The following FNIP2 variants were observed in gnomAD, a reference collection of about 807,000 sequenced individuals.
The protein encoded by FNIP2 is folliculin interacting protein 2, also known as folliculin-interacting protein 2.
In FNIP2, 32 loss-of-function variants were observed where a neutral mutation model predicts 108.7. The ratio of observed to expected loss-of-function variants is 0.29; its 90% confidence interval spans 0.22 to 0.40. FNIP2 has a LOEUF of 0.40. Among genes scored for constraint, FNIP2 ranks in the 10% least tolerant of loss-of-function variants. The pLI, the probability that FNIP2 is intolerant of heterozygous loss-of-function variation, is 1.00. For synonymous variants in FNIP2, 480 were observed against 496.7 expected (o/e 0.97, Z 0.45); for missense variants, 1,202 against 1,381.6 (o/e 0.87, Z 2.06).
intron 1 of FNIP2, among the ~76,000 whole-genome samples, chr4:158,817,518 A>T (rs1412028923): frequency 6.6e-6 from 1 of 152,124 alleles, no homozygotes; most frequent in Non-Finnish European, 1.5e-5. Context: ...ACCTTTAGGT[A>T]TAATTTTAGT....
chr4:158,798,425 T>C (rs1393671462), intron 1 of FNIP2, among the ~76,000 whole-genome samples: 1 of 152,184 alleles, frequency 6.6e-6, no homozygotes, highest in Non-Finnish European at 1.5e-5. Context: ...GATAATTAGA[T>C]AAGTTTCCCT....
intron 1 of FNIP2, among the ~76,000 whole-genome samples, chr4:158,801,662 A>G (rs1035172034): frequency 2.6e-5 from 4 of 152,254 alleles, no homozygotes; most frequent in African/African-American, 9.6e-5. Flanking sequence ...TGAAACACAT[A>G]GAACGATGCT....
intron 1 of FNIP2, among the ~76,000 whole-genome samples, chr4:158,788,854 C>T (rs1336271129): frequency 1.3e-5 from 2 of 152,216 alleles, no homozygotes; most frequent in Admixed American, 6.5e-5. Flanking sequence ...ATCAGTTGTG[C>T]TGTGGCCATA....
intron 1 of FNIP2, among the ~76,000 whole-genome samples, chr4:158,784,971 AAGTAC>A (rs1448798395): frequency 1.3e-5 from 2 of 152,190 alleles, no homozygotes; most frequent in Non-Finnish European, 2.9e-5. Context: ...GCATAATACT[AAGTAC>A]AGTACGTTAG....
chr4:158,891,563 C>A lies in FNIP2; in HGVS notation c.3067C>A (p.Gln1023Lys). The A allele has an allele frequency of 6.2e-7, 1 of 1,612,414 alleles. No homozygotes were observed. Among genetic ancestry groups the A allele is most frequent in the South Asian group, 1.1e-5 (1 of 90,658 alleles). Residue 1023 changes from glutamine (Q) to lysine (K), a missense_variant, in exon 15 of 17, where the codon CAG (glutamine) becomes AAG (lysine). Transcript: ENST00000264433. Reference sequence around the variant, plus strand: ...AGTGACGGACAACATGAAACTAGGCCAGGATGTCCTGGTCTCTAGTCAGGT... The same window carrying A: ...AGTGACGGACAACATGAAACTAGGCAAGGATGTCCTGGTCTCTAGTCAGGT... ...RKVTDNMKLG[Q>K]DVLVSSQVSS...
intron 8 of FNIP2, among the ~76,000 whole-genome samples, 178 bp downstream of exon 8, chr4:158,851,628 C>T (rs141353713): frequency 1.6e-3 from 249 of 152,304 alleles, no homozygotes; most frequent in African/African-American, 5.6e-3. Context: ...TAAATAAAAG[C>T]TGAAATTTTA....
intron 8 of FNIP2, among the ~76,000 whole-genome samples, chr4:158,857,373 A>G (rs954890273): frequency 1.3e-5 from 2 of 152,248 alleles, no homozygotes; most frequent in African/African-American, 2.4e-5. Flanking sequence ...TACCTTGGTA[A>G]AGAAGAGAGA....
In FNIP2 at chr4:158,821,700, G is replaced by A. The variant is rs190476419; in HGVS notation, c.108-4216G>A. 8.5e-5 allele frequency among the ~76,000 whole-genome samples: 13 copies of A among 152,286 alleles called. No homozygotes were observed. The East Asian group carries it at 2.3e-3, about 27-fold the overall frequency. On this transcript the variant is annotated intron_variant, in intron 1 of 16. Coordinates refer to ENST00000264433, the MANE Select transcript of FNIP2 (RefSeq NM_020840.3). ...GAGAAGTTCCCAAAACTATAAAACCGGTGGGAAGCAGAGCTGAGATTTGAT... is the reference window on the plus strand; with the variant it reads ...GAGAAGTTCCCAAAACTATAAAACCAGTGGGAAGCAGAGCTGAGATTTGAT...
At chr4:158,826,664 AGTGAGGATAGAGCAGC>A (rs1778176351) in intron 2 of FNIP2, among the ~76,000 whole-genome samples, 1 of 152,028 alleles carries the variant, frequency 6.6e-6, no homozygotes, top group African/African-American at 2.4e-5. Context: ...CAATGGGTAG[AGTGAGGATAGAGCAGC>A]TCTTGATCCC....
chr4:158,858,718 TCTGA>T (rs776353441), intron 8 of FNIP2, among the ~76,000 whole-genome samples: 5 of 152,262 alleles, frequency 3.3e-5, no homozygotes, highest in Non-Finnish European at 5.9e-5. Context: ...TCTATTGGTA[TCTGA>T]CTATGTTTTG....
chr4:158,849,573 G>A (rs903670722), intron 7 of FNIP2, among the ~76,000 whole-genome samples: 2 of 152,054 alleles, frequency 1.3e-5, no homozygotes, highest in East Asian at 3.9e-4. Context: ...ATTCTGTAGG[G>A]GACTTTAGGA....
intron 3 of FNIP2, among the ~76,000 whole-genome samples, chr4:158,830,183 G>A (rs1392019162): frequency 5.3e-5 from 8 of 151,010 alleles, no homozygotes; most frequent in African/African-American, 1.7e-4. Flanking sequence ...ATAGTGGGAA[G>A]AAGTTGGTTT....
At chr4:158,836,426 T>C (rs765939169) in intron 7 of FNIP2, 14 of 152,248 alleles carry the variant, frequency 9.2e-5, no homozygotes, top group Non-Finnish European at 1.8e-4. Context: ...AGTAATAGCA[T>C]TTTATTTATG....
intron 3 of FNIP2, among the ~76,000 whole-genome samples, chr4:158,831,198 G>A (rs752357274): frequency 6.6e-6 from 1 of 152,184 alleles, no homozygotes; most frequent in Non-Finnish European, 1.5e-5. Flanking sequence ...CATCATTGGA[G>A]CAGTTGAACT....
chr4:158,799,164 CAATA>C (rs1776682367), intron 1 of FNIP2, among the ~76,000 whole-genome samples: 1 of 152,204 alleles, frequency 6.6e-6, no homozygotes, highest in African/African-American at 2.4e-5. Flanking sequence ...TGCTGCTTCT[CAATA>C]CTGACAGCAT....
intron 14 of FNIP2, chr4:158,890,408 A>C (rs1782221179): frequency 1.3e-5 from 12 of 936,684 alleles, no homozygotes; most frequent in Non-Finnish European, 1.5e-5. Flanking sequence ...CATTCATCTC[A>C]CCACTCTCTT....
At chr4:158,779,294 A>C (rs1337879239) in intron 1 of FNIP2, among the ~76,000 whole-genome samples, 1 of 152,212 alleles carries the variant, frequency 6.6e-6, no homozygotes, top group African/African-American at 2.4e-5. Context: ...AAATAAAAGG[A>C]TCTTAACAAT....
intron 1 of FNIP2, among the ~76,000 whole-genome samples, chr4:158,786,398 TA>T (rs1776225068): frequency 6.6e-6 from 1 of 152,224 alleles, no homozygotes. Flanking sequence ...GTAAAAACGT[TA>T]ATTGCACAGG....
Position 158,830,937 on chromosome 4 carries a change from C to A in FNIP2, c.382-924C>A, listed in dbSNP as rs564498269. On this transcript the variant is annotated intron_variant, in intron 3 of 16. Coordinates refer to ENST00000264433, the MANE Select transcript of FNIP2 (RefSeq NM_020840.3). Reference sequence around the variant, plus strand: ...TGTATTGGGGTATACGATTCTAGAGCTCCAGGAGAGCTCTTGGTCTAGAGA... The same window carrying A: ...TGTATTGGGGTATACGATTCTAGAGATCCAGGAGAGCTCTTGGTCTAGAGA... 3.3e-5 allele frequency among the ~76,000 whole-genome samples: 5 copies of A among 152,260 alleles called. No homozygotes were observed. In the East Asian group the frequency reaches 9.7e-4, roughly 29 times the overall value.
Sources: allele counts gnomAD v4.1 joint callset (sites outside exome capture counted in the v4.1 genomes callset), GRCh38; gene constraint gnomAD v4.1.1; transcripts MANE v1.5; gene names NCBI Gene and HGNC (gene_info 2026-07-23, HGNC 2026-07-21).